Variants in CTNNA2 observed in about 807,000 individuals in gnomAD.
The protein encoded by CTNNA2 is catenin alpha 2.
Under a neutral mutation model 101.0 loss-of-function variants are expected in CTNNA2, and 42 were observed. The ratio of observed to expected loss-of-function variants is 0.42; its 90% CI spans 0.32 to 0.54. The LOEUF is 0.54. Ranked by LOEUF, CTNNA2 falls within the 20% of genes least tolerant of loss-of-function variation. CTNNA2 has a pLI of 0.14. For missense variants in CTNNA2, 871 were observed against 1,223.1 expected (o/e 0.71, Z 4.29); for synonymous variants, 450 against 456.4 (o/e 0.99, Z 0.18).
chr2:80,525,099 G>A (rs1466499594), intron 9 of CTNNA2, among the ~76,000 whole-genome samples: 1 of 151,868 alleles, frequency 6.6e-6, no homozygotes, highest in East Asian at 1.9e-4. Context: ...TTAATTAAAT[G>A]TGGTGAGTGA....
intron 7 of CTNNA2, among the ~76,000 whole-genome samples, chr2:80,264,106 A>G (rs920777760): frequency 2.6e-5 from 4 of 152,184 alleles, no homozygotes; most frequent in Non-Finnish European, 5.9e-5. Flanking sequence ...TAGCTCATAC[A>G]TATCAATGAG....
At chr2:79,982,416 A>T (rs906846598) in intron 7 of CTNNA2, among the ~76,000 whole-genome samples, 2 of 145,158 alleles carry the variant, frequency 1.4e-5, no homozygotes, top group South Asian at 2.1e-4. Context: ...TATAACACAT[A>T]TATAACACAT....
intron 6 of CTNNA2, among the ~76,000 whole-genome samples, chr2:79,894,619 C>G (rs1684572332): frequency 6.6e-6 from 1 of 152,122 alleles, no homozygotes; most frequent in Non-Finnish European, 1.5e-5. Flanking sequence ...GTTCCTCTGT[C>G]TGTTCCTTCC....
intron 2 of CTNNA2, among the ~76,000 whole-genome samples, chr2:79,248,488 A>G (rs954297234): frequency 1.8e-4 from 27 of 152,124 alleles, no homozygotes; most frequent in African/African-American, 5.8e-4. Flanking sequence ...GTACATCTCA[A>G]TTTAGACCAG....
At chr2:79,491,303 ACT>A (rs766135534) in intron 4 of CTNNA2, among the ~76,000 whole-genome samples, 10 of 152,168 alleles carry the variant, frequency 6.6e-5, no homozygotes, top group Admixed American at 4.6e-4. Context: ...TAGATGAATC[ACT>A]CTGTCTTCTG....
intron 5 of CTNNA2, among the ~76,000 whole-genome samples, chr2:79,870,512 G>T (rs1043380637): frequency 2.6e-5 from 4 of 152,086 alleles, no homozygotes; most frequent in Admixed American, 2.6e-4. Context: ...TGAGAAGAGT[G>T]CAGGTGAGCG....
chr2:79,596,191 T>C (rs1677177083), intron 1 of CTNNA2, among the ~76,000 whole-genome samples: 1 of 151,978 alleles, frequency 6.6e-6, no homozygotes, highest in South Asian at 2.1e-4. Context: ...TGCATTCCTA[T>C]ATTCCCAACA....
At chr2:80,601,199 T>C (rs1376273512) in intron 15 of CTNNA2, among the ~76,000 whole-genome samples, 1 of 152,102 alleles carries the variant, frequency 6.6e-6, no homozygotes, top group Non-Finnish European at 1.5e-5. Flanking sequence ...TTGGGTTTTT[T>C]CTTCTTTTTG....
At chr2:80,004,433 C>G (rs684128) in intron 7 of CTNNA2, among the ~76,000 whole-genome samples, 91,056 of 151,898 alleles carry the variant, frequency 0.6, 27,657 homozygotes, top group East Asian at 0.81. Flanking sequence ...AGTCAGAGAT[C>G]GTTGTTACAA....
chr2:79,714,904 G>A, intron 2 of CTNNA2, among the ~76,000 whole-genome samples: 1 of 151,906 alleles, frequency 6.6e-6, no homozygotes, highest in East Asian at 1.9e-4. Flanking sequence ...AAAAACCACA[G>A]AGAAGGACGA....
At chr2:79,594,629 A>G (rs1439799627) in intron 1 of CTNNA2, among the ~76,000 whole-genome samples, 3 of 152,138 alleles carry the variant, frequency 2.0e-5, no homozygotes, top group Admixed American at 6.5e-5. Context: ...AGTTTTGTCA[A>G]TAACCCATTC....
intron 4 of CTNNA2, among the ~76,000 whole-genome samples, 184 bp downstream of exon 4, chr2:79,858,363 A>G (rs1159761697): frequency 1.3e-5 from 2 of 152,124 alleles, no homozygotes; most frequent in Admixed American, 1.3e-4. Flanking sequence ...ATAGTCAAAG[A>G]GTTTTGTAAG....
chr2:80,101,097 G>A (rs1211129894), intron 7 of CTNNA2, among the ~76,000 whole-genome samples: 2 of 152,154 alleles, frequency 1.3e-5, no homozygotes, highest in Non-Finnish European at 2.9e-5. Context: ...AAGTATCCAA[G>A]TGAAATGTTG....
chr2:80,018,601 C>T (rs1370950538), intron 7 of CTNNA2, among the ~76,000 whole-genome samples: 1 of 151,972 alleles, frequency 6.6e-6, no homozygotes, highest in African/African-American at 2.4e-5. Context: ...ACAGTGAAAC[C>T]CTGTCTCTAC....
At chr2:79,502,430 C>A (rs1366941188) in intron 4 of CTNNA2, among the ~76,000 whole-genome samples, 1 of 152,078 alleles carries the variant, frequency 6.6e-6, no homozygotes, top group East Asian at 1.9e-4. Flanking sequence ...AAATAACAGA[C>A]TGCATTTGTG....
At chr2:79,234,297 A>C (rs75889342) in intron 2 of CTNNA2, among the ~76,000 whole-genome samples, 13,168 of 151,846 alleles carry the variant, frequency 0.087, 778 homozygotes, top group East Asian at 0.18. Flanking sequence ...TCTTATGAAG[A>C]TTAGTTTGGT....
At chr2:79,353,466 G>A (rs1573111739) in intron 3 of CTNNA2, among the ~76,000 whole-genome samples, 1 of 152,152 alleles carries the variant, frequency 6.6e-6, no homozygotes, top group Non-Finnish European at 1.5e-5. Context: ...TTTGTTTAAA[G>A]TCTGTTTTAT....
At chr2:80,370,519 C>T (rs1265030633) in intron 7 of CTNNA2, among the ~76,000 whole-genome samples, 1 of 152,028 alleles carries the variant, frequency 6.6e-6, no homozygotes, top group Non-Finnish European at 1.5e-5. Context: ...TGACAACTAG[C>T]CAGAAGACTT....
intron 7 of CTNNA2, among the ~76,000 whole-genome samples, chr2:80,357,366 G>C (rs1673937570): frequency 6.6e-6 from 1 of 151,706 alleles, no homozygotes; most frequent in Non-Finnish European, 1.5e-5. Context: ...TGTAGATATA[G>C]TTCAGCAGTC....
Sources: gnomAD v4.1 joint callset for allele counts (sites outside exome capture counted in the v4.1 genomes callset) on GRCh38, gnomAD v4.1.1 for gene constraint, MANE v1.5 for transcripts, NCBI Gene and HGNC (gene_info 2026-07-23, HGNC 2026-07-21) for gene names.